VRTN: variants seen among roughly 807,000 people sequenced by gnomAD.
VRTN encodes vertnin.
Under a neutral mutation model 18.2 loss-of-function variants are expected in VRTN, and 5 were observed. That is an observed-to-expected ratio of 0.27 (90% CI 0.14 to 0.58). The LOEUF (loss-of-function observed/expected upper bound fraction) is 0.58, where lower values mean the gene tolerates loss of function less well. Ranked by LOEUF, VRTN falls within the 20% of genes least tolerant of loss-of-function variation. The pLI, the probability that VRTN is intolerant of heterozygous loss-of-function variation, is 0.91. For missense variants in VRTN, 741 were observed against 939.4 expected (o/e 0.79, Z 2.76); for synonymous variants, 381 against 393.7 (o/e 0.97, Z 0.38).
chr14:74,351,852 CT>C (rs553070112), intron 1 of VRTN, among the ~76,000 whole-genome samples: 6 of 149,616 alleles, frequency 4.0e-5, no homozygotes, highest in African/African-American at 9.8e-5. Flanking sequence ...TCCCTCAGTA[CT>C]TTTTTTTTTG....
chr14:74,310,252 C>T lies in VRTN; in HGVS notation c.-164+7076C>T, dbSNP rs1172786633. Among the ~76,000 whole-genome samples the T allele has an allele frequency of 2.6e-5, 4 of 151,864 alleles. No individual in the cohort carries two copies. The East Asian group carries it at 7.8e-4, about 30-fold the overall frequency. On this transcript the variant is annotated intron_variant, in intron 1 of 2. Transcript: ENST00000557177. ...GTCTCTACTAAAAATACAAAATTAG[C>T]CAGGCGTGGTGGCACATTCCTGTAG...
At chr14:74,351,499 T>TA (rs2085683670) in intron 1 of VRTN, among the ~76,000 whole-genome samples, 1 of 146,822 alleles carries the variant, frequency 6.8e-6, no homozygotes, top group East Asian at 2.0e-4. Flanking sequence ...TACCAGGTTT[T>TA]TTTTTTTTTT....
At chr14:74,346,873 T>C (rs182041880), upstream of VRTN, among the ~76,000 whole-genome samples, 50 of 152,344 alleles carry the variant, frequency 3.3e-4, no homozygotes, top group African/African-American at 1.2e-3. Flanking sequence ...TAAAAATTTT[T>C]AAATTATCTT....
intron 2 of VRTN, among the ~76,000 whole-genome samples, chr14:74,339,732 T>C (rs2085588404): frequency 6.6e-6 from 1 of 152,156 alleles, no homozygotes; most frequent in Non-Finnish European, 1.5e-5. Context: ...GAGGATCGAT[T>C]GAGCCCAGTA....
In VRTN at chr14:74,339,348, A is replaced by G. The variant is rs79223817; in HGVS notation, c.-2+1464A>G. Among the ~76,000 whole-genome samples, 1,190 of 152,178 alleles carry G rather than the reference A, an allele frequency of 7.8e-3. 21 individuals carry two copies. Among genetic ancestry groups the G allele is most frequent in the African/African-American group, 0.027 (1,137 of 41,538 alleles). On this transcript the variant is annotated intron_variant, in intron 2 of 2. Transcript: ENST00000557177. ...TAGGAAGTAGGGGAGCTGAGACTCA[A>G]TTCTGGTTGCTCTGACTCCAGAGTC...
At chr14:74,327,632 T>G (rs2085496149) in intron 1 of VRTN, among the ~76,000 whole-genome samples, 1 of 152,186 alleles carries the variant, frequency 6.6e-6, no homozygotes, top group Non-Finnish European at 1.5e-5. Flanking sequence ...GCTCCGCGAT[T>G]CCTCCTTCCT....
intron 1 of VRTN, among the ~76,000 whole-genome samples, chr14:74,333,848 AT>A (rs1439755834): frequency 4.1e-5 from 6 of 147,048 alleles, no homozygotes; most frequent in African/African-American, 1.6e-4. Flanking sequence ...TCAAAAAAAA[AT>A]AAATAAAAAT....
At chr14:74,313,040 T>C (rs1209521327) in intron 1 of VRTN, among the ~76,000 whole-genome samples, 1 of 152,096 alleles carries the variant, frequency 6.6e-6, no homozygotes, top group African/African-American at 2.4e-5. Context: ...GCGCCTGGCC[T>C]GTGTTTTGTT....
chr14:74,356,997 C>A lies in VRTN; in HGVS notation c.214C>A (p.Arg72=), dbSNP rs377562420. ...GAGCCTGTATCCAGAAGATGCTCCA[C>A]GGAACATGCTGCCGCTGGTGTGCAA... ...ALSLYPEDAP[R]NMLPLVCKGE... Residue 72 remains arginine, a synonymous_variant, in exon 2 of 2, where the codon CGG becomes AGG. Transcript: ENST00000256362. 3.7e-6 allele frequency: 6 copies of A among 1,610,898 alleles called. No individual in the cohort carries two copies. In the Admixed American group the frequency reaches 8.4e-5, roughly 22 times the overall value.
chr14:74,331,160 C>G (rs2085519946), intron 1 of VRTN, among the ~76,000 whole-genome samples: 1 of 150,632 alleles, frequency 6.6e-6, no homozygotes. Flanking sequence ...CGAGATCGCG[C>G]CACTGCACTC....
In VRTN at chr14:74,358,148, C is replaced by T; in HGVS notation, c.1365C>T (p.Ala455=). The change falls in exon 2 of 2, where the codon GCC becomes GCT. Residue 455 remains alanine (A), a synonymous_variant. Transcript: ENST00000256362. This position sits in a 1 kb window ranked among gnomAD's most constrained non-coding sequence, Gnocchi z 5.4. ...ACCCCAGCTTCAAGCCGGCACCAGC[C>T]CTCTCTGCTGCTGGGACTCCCCAGC... ...RRNPSFKPAP[A]LSAAGTPQLA... The T allele has an allele frequency of 6.2e-7, 1 of 1,614,130 alleles. No individual in the cohort carries two copies.
At chr14:74,345,750 C>T (rs1164893190), upstream of VRTN, among the ~76,000 whole-genome samples, 1 of 150,594 alleles carries the variant, frequency 6.6e-6, no homozygotes, top group East Asian at 2.0e-4. Context: ...ATGGCGAAAC[C>T]CTGTCTCTAC....
chr14:74,352,459 G>T (rs867803606), intron 1 of VRTN, among the ~76,000 whole-genome samples: 1 of 152,198 alleles, frequency 6.6e-6, no homozygotes, highest in Non-Finnish European at 1.5e-5. Context: ...TTACAGGTGT[G>T]AGCCACTGCG....
intron 2 of VRTN, among the ~76,000 whole-genome samples, chr14:74,338,870 G>A (rs1419840764): frequency 6.6e-6 from 1 of 152,130 alleles, no homozygotes; most frequent in Non-Finnish European, 1.5e-5. Context: ...GACTACAGGT[G>A]TGAGCCACCA....
At chr14:74,312,397 G>A (rs144065822) in intron 1 of VRTN, among the ~76,000 whole-genome samples, 118 of 152,274 alleles carry the variant, frequency 7.7e-4, no homozygotes, top group African/African-American at 2.8e-3. Context: ...AAGGATTGGA[G>A]AGAGCAAAAG....
At position 74,331,544 on chromosome 14, in the gene VRTN, TTATATATATATATATATATATATATA is replaced by T. The variant is rs1169929236; in HGVS notation, c.-163-6158_-163-6133del. ...AACTCCATCTCAAAAAAAAAAAATT[TTATATATATATATATATATATATATA>T]TATATATATATATATATATACAAAA... On this transcript the variant is annotated intron_variant, in intron 1 of 2. Transcript: ENST00000557177. 5.5e-3 allele frequency among the ~76,000 whole-genome samples: 239 copies of T among 43,500 alleles called. 8 individuals are homozygous for T. Among genetic ancestry groups the T allele is most frequent in the African/African-American group, 0.012 (190 of 15,380 alleles). 28.5% of individuals were successfully genotyped at this position (43,500 alleles called of 152,430 possible).
At chr14:74,341,904 T>C (rs576676627) in intron 2 of VRTN, among the ~76,000 whole-genome samples, 2 of 152,320 alleles carry the variant, frequency 1.3e-5, no homozygotes, top group South Asian at 4.1e-4. Flanking sequence ...ATATATTAAC[T>C]AAAGATGTCT....
At chr14:74,309,922 G>A (rs2085376720) in intron 1 of VRTN, among the ~76,000 whole-genome samples, 1 of 151,922 alleles carries the variant, frequency 6.6e-6, no homozygotes, top group South Asian at 2.1e-4. Context: ...TCATTTCCAG[G>A]AATTCTCTTA....
At chr14:74,322,377 T>C (rs2085461538) in intron 1 of VRTN, among the ~76,000 whole-genome samples, 1 of 152,064 alleles carries the variant, frequency 6.6e-6, no homozygotes, top group East Asian at 1.9e-4. Flanking sequence ...CTTGAACTCC[T>C]GGGCTCGAGT....
Sources: gnomAD v4.1 joint callset for allele counts (sites outside exome capture counted in the v4.1 genomes callset) on GRCh38, gnomAD v4.1.1 for gene constraint, Gnocchi (gnomAD v3.1) non-coding constraint, MANE v1.5 for transcripts, NCBI Gene and HGNC (gene_info 2026-07-23, HGNC 2026-07-21) for gene names.